Variants in MAP4K4 observed in about 807,000 individuals in gnomAD.
MAP4K4 encodes the protein HPK/GCK-like kinase HGK.
In MAP4K4, 38 loss-of-function variants were observed where a neutral mutation model predicts 189.6. The observed-to-expected ratio is 0.20, with a 90% CI of 0.15 to 0.26. The LOEUF is 0.26. Among genes scored for constraint, MAP4K4 ranks in the 10% least tolerant of loss-of-function variants. The pLI, the probability that MAP4K4 is intolerant of heterozygous loss-of-function variation, is 1.00. For missense variants in MAP4K4, 1,054 were observed against 1,726.9 expected (o/e 0.61, Z 6.91); for synonymous variants, 610 against 624.3 (o/e 0.98, Z 0.34).
chr2:101,853,978 G>T (rs10204286), intron 12 of MAP4K4, among the ~76,000 whole-genome samples: 1 of 152,144 alleles, frequency 6.6e-6, no homozygotes, highest in Non-Finnish European at 1.5e-5. Flanking sequence ...TAACAATTTT[G>T]CAAAGTTCCC....
intron 2 of MAP4K4, among the ~76,000 whole-genome samples, chr2:101,717,920 A>G (rs1052907698): frequency 3.9e-5 from 6 of 152,122 alleles, no homozygotes; most frequent in Admixed American, 1.3e-4. Flanking sequence ...GAATTAGTAA[A>G]GAGTGGGAGA....
chr2:101,870,524 T>G (rs1356053219), intron 23 of MAP4K4, 109 bp downstream of exon 23: 13 of 1,459,976 alleles, frequency 8.9e-6, no homozygotes, highest in African/African-American at 1.4e-5. Context: ...GTTTTCATGT[T>G]AACAAGTCCC....
intron 30 of MAP4K4, among the ~76,000 whole-genome samples, chr2:101,887,462 C>G (rs934096516): frequency 2.6e-5 from 4 of 152,184 alleles, no homozygotes; most frequent in African/African-American, 9.7e-5. Flanking sequence ...TTAGCTCTTG[C>G]TTTGACTAAC....
At chr2:101,814,799 A>C (rs1430706551) in intron 3 of MAP4K4, among the ~76,000 whole-genome samples, 3 of 152,210 alleles carry the variant, frequency 2.0e-5, no homozygotes, top group Non-Finnish European at 4.4e-5. Context: ...TGATTCATGA[A>C]ACATATGAAA....
At chr2:101,832,502 CA>C (rs2096620195) in intron 7 of MAP4K4, among the ~76,000 whole-genome samples, 1 of 152,110 alleles carries the variant, frequency 6.6e-6, no homozygotes, top group Non-Finnish European at 1.5e-5. Context: ...GTATTTATTA[CA>C]AATATCCAAT....
intron 10 of MAP4K4, 23 bp from the exon 11 acceptor site, chr2:101,842,586 T>G: frequency 6.4e-7 from 1 of 1,564,736 alleles, no homozygotes; most frequent in Non-Finnish European, 8.7e-7. Flanking sequence ...ACTGTCCCAT[T>G]TATCTTGTCC....
At chr2:101,765,901 A>G (rs2150258556) in intron 2 of MAP4K4, among the ~76,000 whole-genome samples, 1 of 152,042 alleles carries the variant, frequency 6.6e-6, no homozygotes, top group South Asian at 2.1e-4. Flanking sequence ...GAATTTCTCT[A>G]AAGGTGTTTC....
At chr2:101,858,426 C>G (rs570573073) in intron 13 of MAP4K4, among the ~76,000 whole-genome samples, 1 of 152,356 alleles carries the variant, frequency 6.6e-6, no homozygotes, top group East Asian at 1.9e-4. Flanking sequence ...CACACACAAG[C>G]TCATCATGGA....
intron 2 of MAP4K4, among the ~76,000 whole-genome samples, chr2:101,704,556 T>G (rs1245372046): frequency 1.2e-5 from 1 of 80,122 alleles, no homozygotes; most frequent in Non-Finnish European, 2.3e-5. Flanking sequence ...TATATATATA[T>G]ATATATATAT....
intron 2 of MAP4K4, among the ~76,000 whole-genome samples, chr2:101,746,973 T>G (rs1400401867): frequency 1.3e-5 from 2 of 152,142 alleles, no homozygotes; most frequent in East Asian, 3.9e-4. Flanking sequence ...TGCCCTTGTG[T>G]CCCCCTACTC....
At chr2:101,888,256 A>C (rs1227998750) in intron 31 of MAP4K4, among the ~76,000 whole-genome samples, 1 of 152,220 alleles carries the variant, frequency 6.6e-6, no homozygotes, top group Non-Finnish European at 1.5e-5. Context: ...GAATTGGTAA[A>C]GAGACAGAGA....
chr2:101,878,121 A>G (rs930896800), intron 27 of MAP4K4, among the ~76,000 whole-genome samples: 1 of 152,236 alleles, frequency 6.6e-6, no homozygotes, highest in Non-Finnish European at 1.5e-5. Flanking sequence ...CAGGAAAACA[A>G]CTACAAGAAA....
At chr2:101,880,172 CAGAAG>C (rs991156436) in intron 27 of MAP4K4, among the ~76,000 whole-genome samples, 25 of 152,102 alleles carry the variant, frequency 1.6e-4, no homozygotes, top group Admixed American at 5.9e-4. Flanking sequence ...ATGTCTTTTG[CAGAAG>C]AGAAGTTTTT....
intron 2 of MAP4K4, among the ~76,000 whole-genome samples, chr2:101,732,564 T>C (rs1020275632): frequency 7.9e-5 from 12 of 152,108 alleles, no homozygotes; most frequent in African/African-American, 2.9e-4. Context: ...TGGCTTCCAG[T>C]ACCTGTTAGT....
At chr2:101,869,738 C>T (rs551450744) in exon 22 of MAP4K4, 21 of 1,592,800 alleles carry the variant, frequency 1.3e-5, no homozygotes, top group East Asian at 6.8e-5. Flanking sequence ...AGGAGGACGA[C>T]GATGTGGAGC....
At position 101,705,096 on chromosome 2, in the gene MAP4K4, G is replaced by A. The variant is rs145231460; in HGVS notation, c.123+6558G>A. ...GGAATGATCACAATGATAAGTTTTAGGACATCCCGTTTTAAAAACTGGACT... is the reference window on the plus strand; with the variant it reads ...GGAATGATCACAATGATAAGTTTTAAGACATCCCGTTTTAAAAACTGGACT... On this transcript the variant is annotated intron_variant, in intron 2 of 32. Coordinates refer to ENST00000324219, the Ensembl canonical transcript of MAP4K4. Among the ~76,000 whole-genome samples the A allele has an allele frequency of 6.1e-4, 93 of 152,194 alleles. 1 individual carries two copies. Among genetic ancestry groups the A allele is most frequent in the East Asian group, 5.0e-3 (26 of 5,172 alleles).
At chr2:101,735,945 A>G (rs1574528235) in intron 2 of MAP4K4, among the ~76,000 whole-genome samples, 1 of 152,216 alleles carries the variant, frequency 6.6e-6, no homozygotes, top group African/African-American at 2.4e-5. Context: ...TCCACAGGGA[A>G]GAAGTCTGTT....
At chr2:101,708,774 C>G (rs1482616794) in intron 2 of MAP4K4, among the ~76,000 whole-genome samples, 2 of 152,194 alleles carry the variant, frequency 1.3e-5, no homozygotes, top group East Asian at 3.8e-4. Context: ...CAGTTAATCC[C>G]TGTTCCAACC....
At chr2:101,710,595 T>C (rs1244746836) in intron 2 of MAP4K4, among the ~76,000 whole-genome samples, 1 of 152,210 alleles carries the variant, frequency 6.6e-6, no homozygotes, top group Non-Finnish European at 1.5e-5. Flanking sequence ...GCGTATAGCC[T>C]AATGTGTAAG....
Sources: allele counts gnomAD v4.1 joint callset (sites outside exome capture counted in the v4.1 genomes callset), GRCh38; gene constraint gnomAD v4.1.1; transcripts MANE v1.5; gene names NCBI Gene and HGNC (gene_info 2026-07-23, HGNC 2026-07-21).